The following UBL7 variants were observed in gnomAD, a reference collection of about 807,000 sequenced individuals.
UBL7 encodes ubiquitin-like protein 7.
A neutral mutation model predicts 41.7 loss-of-function variants in UBL7; 21 were observed. The observed-to-expected ratio is 0.50, with a 90% CI of 0.36 to 0.73. UBL7 has a LOEUF of 0.73. UBL7 is among the 30% of genes least tolerant of loss of function. The probability of loss-of-function intolerance (pLI) is 0.00; values close to 1 mark genes in which losing one functional copy is unlikely to be tolerated. For synonymous variants in UBL7, 157 were observed against 186.9 expected (o/e 0.84, Z 1.31); for missense variants, 403 against 478.4 (o/e 0.84, Z 1.47).
intron 1 of UBL7, among the ~76,000 whole-genome samples, chr15:74,459,741 G>A (rs1476418450): frequency 3.3e-5 from 5 of 151,696 alleles, no homozygotes; most frequent in Non-Finnish European, 7.4e-5. Context: ...CTAGGCGGGC[G>A]GATTGCCTAA....
At chr15:74,451,386 T>C (rs1219955764) in intron 5 of UBL7, 50 bp downstream of exon 5, 3 of 1,501,586 alleles carry the variant, frequency 2.0e-6, no homozygotes, top group South Asian at 1.1e-5. Flanking sequence ...TTCTCCTGTT[T>C]TCTCCTTTTC....
chr15:74,456,573 G>T lies in UBL7; in HGVS notation c.283C>A (p.Pro95Thr). ...TCACCCGGTTTCTGATCAGGTTCAG[G>T]CCAGGACTTTCGCAGAACATGGACA... ...STVHVLRKSW[P>T]EPDQKPEPVD... is the part of the protein sequence containing the mutation. Residue 95 changes from proline (P) to threonine (T), a missense_variant, in exon 3 of 11, where the codon CCT becomes ACT. Physicochemically the swap from Pro to Thr is conservative, Grantham distance 38. Coordinates refer to ENST00000395081, the MANE Select transcript of UBL7 (RefSeq NM_032907.5). 1 of 1,614,076 alleles carries T rather than the reference G, an allele frequency of 6.2e-7. No homozygotes were observed. Among genetic ancestry groups the T allele is most frequent in the Non-Finnish European group, 8.5e-7 (1 of 1,179,984 alleles).
At chr15:74,447,802 CCT>C (rs1385554766) in intron 10 of UBL7, among the ~76,000 whole-genome samples, 1 of 152,120 alleles carries the variant, frequency 6.6e-6, no homozygotes, top group Non-Finnish European at 1.5e-5. Flanking sequence ...CATGCAAGCC[CCT>C]CTCGTAGGCT....
At chr15:74,449,490 T>C in intron 8 of UBL7, 136 bp downstream of exon 8, 11 of 1,539,828 alleles carry the variant, frequency 7.1e-6, no homozygotes, top group Non-Finnish European at 9.8e-6. Flanking sequence ...GCAGAAATAG[T>C]ATGACATGGT....
intron 1 of UBL7, 179 bp downstream of exon 1, chr15:74,460,858 G>A: frequency 8.4e-7 from 1 of 1,194,604 alleles, no homozygotes; most frequent in Non-Finnish European, 1.1e-6. Context: ...TCCACCTCAA[G>A]TTTATGCCAG....
chr15:74,460,191 G>C (rs955492746), intron 1 of UBL7, among the ~76,000 whole-genome samples: 1 of 151,888 alleles, frequency 6.6e-6, no homozygotes, highest in African/African-American at 2.4e-5. Flanking sequence ...GCAGTGAGCC[G>C]AGATAGCGCC....
chr15:74,446,137 C>T lies in UBL7; in HGVS notation c.1096G>A (p.Asp366Asn). Residue 366 changes from aspartate to asparagine, a missense_variant, in exon 11 of 11, where the codon GAC (aspartate) becomes AAC (asparagine). Coordinates refer to ENST00000395081, the MANE Select transcript of UBL7 (RefSeq NM_032907.5). This position sits in a 1 kb window ranked among gnomAD's most constrained non-coding sequence, Gnocchi z 4.1. ...SLRALQATGG[D>N]IQAALELIFA... ...ATGAGCTCCAGGGCTGCTTGGATGT[C>T]CCCACCGGTGGCCTGCAGGGCCCGC... is the stretch of plus-strand genomic sequence containing the variant. 1 of 1,614,098 alleles carries T rather than the reference C, an allele frequency of 6.2e-7. No individual in the cohort carries two copies. Among genetic ancestry groups the T allele is most frequent in the Non-Finnish European group, 8.5e-7 (1 of 1,180,016 alleles).
chr15:74,456,774 T>C (rs1284283376), intron 2 of UBL7, 103 bp from the exon 3 acceptor site: 6 of 1,351,480 alleles, frequency 4.4e-6, no homozygotes, highest in African/African-American at 2.9e-5. Context: ...GAATGATACA[T>C]GTTTTAAAAG....
chr15:74,450,906 C>T (rs779608609), intron 5 of UBL7, 47 bp from the exon 6 acceptor site: 74 of 1,605,484 alleles, frequency 4.6e-5, no homozygotes, highest in Non-Finnish European at 6.0e-5. Context: ...TCAGCCAGAT[C>T]CAGGAGGGAG....
intron 6 of UBL7, among the ~76,000 whole-genome samples, chr15:74,450,549 T>C (rs113289400): frequency 6.6e-6 from 1 of 152,206 alleles, no homozygotes; most frequent in African/African-American, 2.4e-5. Flanking sequence ...AGCTCCCTAA[T>C]TTCTACCACA....
chr15:74,459,080 C>T (rs2061321925), intron 1 of UBL7, 184 bp from the exon 2 acceptor site: 1 of 574,462 alleles, frequency 1.7e-6, no homozygotes, highest in African/African-American at 1.9e-5. Flanking sequence ...ATGGACAGCT[C>T]TCTAGGCCTC....
chr15:74,449,078 G>C, intron 9 of UBL7, 108 bp downstream of exon 9: 1 of 1,357,952 alleles, frequency 7.4e-7, no homozygotes, highest in African/African-American at 1.5e-5. Flanking sequence ...CCAGGGTTCA[G>C]CTTAAACTAG....
chr15:74,449,588 A>C (rs1567087576), intron 8 of UBL7, 38 bp downstream of exon 8: 1 of 1,613,892 alleles, frequency 6.2e-7, no homozygotes, highest in South Asian at 1.1e-5. Context: ...CATCTCCCCC[A>C]CATGTCAGCA....
At chr15:74,457,169 C>T (rs1233546625) in intron 2 of UBL7, among the ~76,000 whole-genome samples, 4 of 152,192 alleles carry the variant, frequency 2.6e-5, no homozygotes, top group African/African-American at 4.8e-5. Context: ...GGACTTACAT[C>T]GAATCTGGCC....
chr15:74,456,707 C>A (rs764309719), intron 2 of UBL7, 36 bp from the exon 3 acceptor site: 1 of 1,592,412 alleles, frequency 6.3e-7, no homozygotes, highest in South Asian at 1.1e-5. Context: ...TTTTGCTCCT[C>A]AAAACAAATT....
At chr15:74,448,635 C>T (rs1017419296) in intron 9 of UBL7, 35 bp from the exon 10 acceptor site, 3 of 1,611,342 alleles carry the variant, frequency 1.9e-6, no homozygotes, top group Non-Finnish European at 1.7e-6. Flanking sequence ...CCACCCTCAG[C>T]GCCATCTCAA....
intron 10 of UBL7, 55 bp downstream of exon 10, chr15:74,448,423 G>C: frequency 6.2e-7 from 1 of 1,607,422 alleles, no homozygotes. Flanking sequence ...ACAAAGGCTG[G>C]GCATCCAAAA....
chr15:74,457,574 C>T (rs1432240122), intron 2 of UBL7, among the ~76,000 whole-genome samples: 1 of 148,174 alleles, frequency 6.7e-6, no homozygotes, highest in Admixed American at 6.8e-5. Context: ...TATATACACA[C>T]ATACACACAA....
chr15:74,449,885 G>C, intron 7 of UBL7, 51 bp downstream of exon 7: 1 of 1,577,872 alleles, frequency 6.3e-7, no homozygotes. Context: ...GCAAATTCCT[G>C]GGCCACTGCC....
Sources: gnomAD v4.1 joint callset for allele counts (sites outside exome capture counted in the v4.1 genomes callset) on GRCh38, gnomAD v4.1.1 for gene constraint, Gnocchi (gnomAD v3.1) non-coding constraint, MANE v1.5 for transcripts, NCBI Gene and HGNC (gene_info 2026-07-23, HGNC 2026-07-21) for gene names.